The following PNISR variants were observed in gnomAD, a reference collection of about 807,000 sequenced individuals.
The protein encoded by PNISR is arginine/serine-rich protein PNISR.
Under a neutral mutation model 93.4 loss-of-function variants are expected in PNISR, and 20 were observed. The ratio of observed to expected loss-of-function variants is 0.21; its 90% CI spans 0.15 to 0.31. PNISR has a LOEUF of 0.31. Ranked by LOEUF, PNISR falls within the 10% of genes least tolerant of loss-of-function variation. The pLI is 1.00. For synonymous variants in PNISR, 305 were observed against 306.5 expected (o/e 0.99, Z 0.05); for missense variants, 893 against 985.4 (o/e 0.91, Z 1.25).
chr6:99,413,369 A>G (rs1777217652), intron 3 of PNISR, among the ~76,000 whole-genome samples: 1 of 151,376 alleles, frequency 6.6e-6, no homozygotes, highest in African/African-American at 2.4e-5. Flanking sequence ...ACATTTTTTT[A>G]ATTTCTAAAT....
intron 2 of PNISR, chr6:99,415,188 T>C (rs1482096820): frequency 6.6e-6 from 1 of 152,146 alleles, no homozygotes; most frequent in African/African-American, 2.4e-5. Context: ...ACAAGAAAAG[T>C]TGATGAGAAA....
chr6:99,400,360 A>C lies in PNISR; in HGVS notation c.*180T>G. The C allele has an allele frequency of 1.8e-5, 21 of 1,175,952 alleles. No homozygotes were observed. Among genetic ancestry groups the C allele is most frequent in the Non-Finnish European group, 2.2e-5 (21 of 944,174 alleles). The allele number at this position is 1,175,952 out of a possible 1,614,324, so 72.8% of individuals were successfully genotyped here. On this transcript the variant is annotated 3_prime_UTR_variant, in exon 12 of 12. Transcript: ENST00000369239. ...AATTTAAAAATAAAAATGTATTTTA[A>C]ATTAAAAATCTGCAATTTTAAATAA...
intron 1 of PNISR, among the ~76,000 whole-genome samples, chr6:99,423,732 C>G (rs1257469145): frequency 6.6e-6 from 1 of 152,176 alleles, no homozygotes; most frequent in Non-Finnish European, 1.5e-5. Flanking sequence ...ATGTCAAGGT[C>G]ACTGTATTAG....
In PNISR at chr6:99,400,358, T is replaced by G; in HGVS notation, c.*182A>C. 2 of 1,174,726 alleles carry G rather than the reference T, an allele frequency of 1.7e-6. No individual in the cohort carries two copies. Among genetic ancestry groups the G allele is most frequent in the Non-Finnish European group, 2.1e-6 (2 of 943,774 alleles). The allele number at this position is 1,174,726 out of a possible 1,614,324, so 72.8% of individuals were successfully genotyped here. A position where few individuals can be genotyped will look rare whatever the true frequency, so the allele number is the denominator to read the frequency against. On this transcript the variant is annotated 3_prime_UTR_variant, in exon 12 of 12. Transcript: ENST00000369239. Reference sequence around the variant, plus strand: ...AAAATTTAAAAATAAAAATGTATTTTAAATTAAAAATCTGCAATTTTAAAT... The same window carrying G: ...AAAATTTAAAAATAAAAATGTATTTGAAATTAAAAATCTGCAATTTTAAAT...
Position 99,401,369 on chromosome 6 carries a change from GTAC to G in PNISR, c.1586_1588del (p.Ser529del). ...AGAACTGTATGAAGAGCTAGAGACAGTACTACTAGTACTACTAGTTCTGCTATT... is the reference window on the plus strand; with the variant it reads ...AGAACTGTATGAAGAGCTAGAGACAGTACTAGTACTACTAGTTCTGCTATT... On this transcript the variant is annotated inframe_deletion, in exon 12 of 12. Transcript: ENST00000369239. 1 of 1,610,286 alleles carries G rather than the reference GTAC, an allele frequency of 6.2e-7. No individual in the cohort carries two copies. The highest frequency in any genetic ancestry group is 8.5e-7 in the Non-Finnish European group (1 of 1,176,726).
At chr6:99,414,374 A>G (rs1478684680) in intron 3 of PNISR, among the ~76,000 whole-genome samples, 198 bp downstream of exon 3, 1 of 152,258 alleles carries the variant, frequency 6.6e-6, no homozygotes, top group East Asian at 1.9e-4. Context: ...AGCTTTCTAC[A>G]TTTTGAGAGT....
At chr6:99,414,865 A>G (rs905473623) in intron 2 of PNISR, 175 bp from the exon 3 acceptor site, 1 of 373,074 alleles carries the variant, frequency 2.7e-6, no homozygotes. Flanking sequence ...AGAAAATTTT[A>G]TGTTAATGCT....
chr6:99,407,825 A>T (rs1488739275), intron 7 of PNISR, among the ~76,000 whole-genome samples: 1 of 152,230 alleles, frequency 6.6e-6, no homozygotes, highest in East Asian at 1.9e-4. Context: ...TCTGTACCAC[A>T]ATGAATGAAT....
chr6:99,408,665 T>C (rs900186437), intron 6 of PNISR, among the ~76,000 whole-genome samples: 1 of 152,246 alleles, frequency 6.6e-6, no homozygotes. Context: ...AATTTAGAAC[T>C]TTCCAGATAT....
chr6:99,416,376 T>C lies in PNISR; in HGVS notation c.-59A>G. On this transcript the variant is annotated 5_prime_UTR_variant, in exon 2 of 12. Transcript: ENST00000369239. ...CAGAGGTTCACCTTCTGTTTAAAAC[T>C]TAGGTTGATTCAGACTACAGCTTCG... The C allele has an allele frequency of 2.5e-6, 3 of 1,217,964 alleles. No homozygotes were observed. Among genetic ancestry groups the C allele is most frequent in the Non-Finnish European group, 3.1e-6 (3 of 975,506 alleles). 75.4% of individuals were successfully genotyped at this position (1,217,964 alleles called of 1,614,324 possible).
rs946771399 is a variant in PNISR at position 99,399,055 on chromosome 6, A to G, written c.*1485T>C. On this transcript the variant is annotated 3_prime_UTR_variant, in exon 12 of 12. Transcript: ENST00000369239. ...GTACAAGAGCACACTATACAAATCT[A>G]TTTCTATCTTCATGTTGAGGAAACA... is the stretch of plus-strand genomic sequence containing the variant. The G allele has an allele frequency of 1.1e-4, 16 of 152,228 alleles. No homozygotes were observed. The highest frequency in any genetic ancestry group is 3.8e-4 in the African/African-American group (16 of 41,572). 9.4% of individuals were successfully genotyped at this position (152,228 alleles called of 1,614,324 possible). A position where few individuals can be genotyped will look rare whatever the true frequency, so the allele number is the denominator to read the frequency against.
At chr6:99,412,339 AAAG>A (rs1349885209) in intron 4 of PNISR, 5 of 671,162 alleles carry the variant, frequency 7.4e-6, no homozygotes, top group African/African-American at 3.5e-5. Flanking sequence ...AGAACCAAGA[AAAG>A]AATCAAACTG....
chr6:99,412,079 A>G (rs1406599542), intron 4 of PNISR: 5 of 318,844 alleles, frequency 1.6e-5, no homozygotes, highest in Non-Finnish European at 6.3e-6. Flanking sequence ...CTTATGAAAG[A>G]TCTTCACTAT....
chr6:99,416,428 C>A lies in PNISR; in HGVS notation c.-111G>T. On this transcript the variant is annotated splice_region_variant and 5_prime_UTR_variant, in exon 2 of 12. Coordinates refer to ENST00000369239, the MANE Select transcript of PNISR (RefSeq NM_032870.4). ...AGCATAGCAGCAAGATTATGTATGC[C>A]CTAGGGGGAAAAAAAGTAGATGTCT... is the stretch of plus-strand genomic sequence containing the variant. The A allele has an allele frequency of 8.5e-7, 1 of 1,171,600 alleles. No individual in the cohort carries two copies. The highest frequency in any genetic ancestry group is 1.1e-6 in the Non-Finnish European group (1 of 933,498). 72.6% of individuals were successfully genotyped at this position (1,171,600 alleles called of 1,614,324 possible). A position where few individuals can be genotyped will look rare whatever the true frequency, so the allele number is the denominator to read the frequency against.
In PNISR at chr6:99,400,469, G is replaced by GGACA; in HGVS notation, c.*67_*70dup. ...TGAGTTTATTAAAGAGAGAGAGAAAGGACACTTTCAACTTTGAATAAATTC... is the reference window on the plus strand; with the variant it reads ...TGAGTTTATTAAAGAGAGAGAGAAAGGACAGACACTTTCAACTTTGAATAAATTC... On this transcript the variant is annotated 3_prime_UTR_variant, in exon 12 of 12. Transcript: ENST00000369239. The GGACA allele has an allele frequency of 1.3e-6, 2 of 1,527,530 alleles. No individual in the cohort carries two copies. The highest frequency in any genetic ancestry group is 1.8e-6 in the Non-Finnish European group (2 of 1,141,862). 94.6% of individuals were successfully genotyped at this position (1,527,530 alleles called of 1,614,324 possible). A position where few individuals can be genotyped will look rare whatever the true frequency, so the allele number is the denominator to read the frequency against.
intron 5 of PNISR, 74 bp from the exon 6 acceptor site, chr6:99,409,418 A>C: frequency 7.5e-7 from 1 of 1,342,112 alleles, no homozygotes. Context: ...TGTGTTATGA[A>C]CTGGGACAGT....
Position 99,398,917 on chromosome 6 carries a change from A to T in PNISR, c.*1623T>A, listed in dbSNP as rs1490690178. 6.6e-6 allele frequency: 1 copy of T among 152,092 alleles called. No individual in the cohort carries two copies. Among genetic ancestry groups the T allele is most frequent in the African/African-American group, 2.4e-5 (1 of 41,448 alleles). 9.4% of individuals were successfully genotyped at this position (152,092 alleles called of 1,614,324 possible). A position where few individuals can be genotyped will look rare whatever the true frequency, so the allele number is the denominator to read the frequency against. On this transcript the variant is annotated 3_prime_UTR_variant, in exon 12 of 12. Coordinates refer to ENST00000369239, the MANE Select transcript of PNISR (RefSeq NM_032870.4). ...GAAATGTCATCTTTATAAATATCAG[A>T]ACTAAATGCACTGTAAACAGCCATT...
rs529304993 is a variant in PNISR, at chr6:99,405,878, G to A, written c.1002+153C>T. On this transcript the variant is annotated intron_variant, in intron 8 of 11. Transcript: ENST00000369239. ...TTTAAAAAAGTCCCTATTAATAAAG[G>A]TTTCTATAATTGTTTTAAGTTAAAA... Among the ~76,000 whole-genome samples the A allele has an allele frequency of 9.2e-5, 14 of 152,142 alleles. No homozygotes were observed. In the East Asian group the frequency reaches 2.1e-3, roughly 23 times the overall value.
intron 8 of PNISR, 100 bp from the exon 9 acceptor site, chr6:99,404,802 A>T: frequency 1.6e-6 from 1 of 628,016 alleles, no homozygotes; most frequent in Admixed American, 2.7e-5. Flanking sequence ...TTTTTTTCAG[A>T]CAGTCTCACT....
Sources: gnomAD v4.1 joint callset for allele counts (sites outside exome capture counted in the v4.1 genomes callset) on GRCh38, gnomAD v4.1.1 for gene constraint, MANE v1.5 for transcripts, NCBI Gene and HGNC (gene_info 2026-07-23, HGNC 2026-07-21) for gene names.